The following EPHA3 variants were observed in gnomAD, a reference collection of about 807,000 sequenced individuals.
EPHA3 encodes ephrin type-A receptor 3.
In EPHA3, 42 loss-of-function variants were observed where a neutral mutation model predicts 107.1. That is an observed-to-expected ratio of 0.39 (90% CI 0.31 to 0.51). EPHA3 has a LOEUF of 0.51. EPHA3 is among the 20% of genes least tolerant of loss of function. EPHA3 has a pLI of 0.78. For synonymous variants in EPHA3, 461 were observed against 424.8 expected (o/e 1.09, Z -1.05); for missense variants, 1,183 against 1,211.2 (o/e 0.98, Z 0.35).
At chr3:89,251,193 GT>G (rs1356117225) in intron 3 of EPHA3, among the ~76,000 whole-genome samples, 4 of 151,912 alleles carry the variant, frequency 2.6e-5, no homozygotes, top group East Asian at 1.9e-4. Flanking sequence ...TTTTTGGTTT[GT>G]TTTTTTAAAA....
intron 7 of EPHA3, chr3:89,399,892 A>C (rs1007263559): frequency 9.4e-7 from 1 of 1,065,760 alleles, no homozygotes; most frequent in African/African-American, 1.6e-5. Context: ...TTAATCCTTA[A>C]CACATTCAAT....
chr3:89,286,929 A>C (rs960395881), intron 3 of EPHA3, among the ~76,000 whole-genome samples: 1 of 152,000 alleles, frequency 6.6e-6, no homozygotes, highest in African/African-American at 2.4e-5. Context: ...AGTTGTTCTT[A>C]TTTCTACCTG....
chr3:89,225,204 T>C (rs1175688171), intron 3 of EPHA3, among the ~76,000 whole-genome samples: 9 of 152,180 alleles, frequency 5.9e-5, no homozygotes, highest in Non-Finnish European at 1.5e-5. Flanking sequence ...GCTATGATTA[T>C]GTGCTACTGC....
intron 3 of EPHA3, among the ~76,000 whole-genome samples, chr3:89,306,265 A>C (rs543477301): frequency 9.6e-4 from 146 of 152,314 alleles, no homozygotes; most frequent in Non-Finnish European, 1.4e-3. Context: ...TAATAACACC[A>C]GAATTCTAAC....
rs1709942546 is a variant in EPHA3, at chr3:89,449,364, C to T, written c.2486C>T (p.Ser829Phe). The T allele has an allele frequency of 6.3e-7, 1 of 1,587,980 alleles. No individual in the cohort carries two copies. Among genetic ancestry groups the T allele is most frequent in the African/African-American group, 1.3e-5 (1 of 74,636 alleles). The change falls in exon 14 of 17, where the codon TCC becomes TTC. Residue 829 changes from serine (S) to phenylalanine (F), a missense_variant. Transcript: ENST00000336596. The part of the protein sequence containing the change: ...SYGERPYWEM[S>F]NQDVIKAVDE... ...GGAGAGAGACCATACTGGGAGATGT[C>T]CAATCAGGATGTAAGTATTTGTGGT...
chr3:89,431,296 G>A lies in EPHA3; in HGVS notation c.2283G>A (p.Lys761=), dbSNP rs772270500. The change falls in exon 13 of 17, where the codon AAG becomes AAA. Residue 761 remains lysine, a synonymous_variant. Coordinates refer to ENST00000336596, the MANE Select transcript of EPHA3 (RefSeq NM_005233.6). ...NILINSNLVC[K]VSDFGLSRVL... ...TGATCAACAGTAACTTGGTGTGTAA[G>A]GTTTCTGATTTCGGACTTTCGCGTG... is the stretch of plus-strand genomic sequence containing the variant. The A allele has an allele frequency of 1.2e-6, 2 of 1,613,572 alleles. No homozygotes were observed. Among genetic ancestry groups the A allele is most frequent in the East Asian group, 2.2e-5 (1 of 44,834 alleles).
intron 15 of EPHA3, 119 bp from the exon 16 acceptor site, chr3:89,472,345 A>G: frequency 1.8e-6 from 2 of 1,097,646 alleles, no homozygotes; most frequent in East Asian, 2.5e-5. Context: ...TAAATTCCAC[A>G]AATGAAAGGA....
At chr3:89,453,718 T>C (rs1362319288) in intron 15 of EPHA3, among the ~76,000 whole-genome samples, 1 of 152,200 alleles carries the variant, frequency 6.6e-6, no homozygotes, top group Admixed American at 6.5e-5. Context: ...TTGACAATGA[T>C]TATTTCATCC....
intron 2 of EPHA3, among the ~76,000 whole-genome samples, chr3:89,169,315 A>G (rs1338196315): frequency 6.6e-6 from 1 of 152,182 alleles, no homozygotes; most frequent in East Asian, 1.9e-4. Flanking sequence ...TAGATATTGT[A>G]CATATTTTTC....
chr3:89,240,706 A>T (rs770504632), intron 3 of EPHA3, among the ~76,000 whole-genome samples: 4 of 151,964 alleles, frequency 2.6e-5, no homozygotes, highest in South Asian at 2.1e-4. Context: ...TAAAATTATG[A>T]TTTTTTTGTC....
intron 13 of EPHA3, among the ~76,000 whole-genome samples, chr3:89,444,417 TG>T (rs1709842136): frequency 1.3e-5 from 2 of 152,018 alleles, no homozygotes; most frequent in Non-Finnish European, 2.9e-5. Flanking sequence ...TGTACAATGT[TG>T]GTTTATTATT....
At chr3:89,354,078 A>C (rs998415315) in intron 5 of EPHA3, among the ~76,000 whole-genome samples, 5 of 151,358 alleles carry the variant, frequency 3.3e-5, no homozygotes, top group African/African-American at 4.8e-5. Flanking sequence ...TATGTTAACT[A>C]TATTCCCCCA....
intron 15 of EPHA3, among the ~76,000 whole-genome samples, chr3:89,452,446 A>T (rs1397684721): frequency 6.6e-6 from 1 of 152,150 alleles, no homozygotes; most frequent in Non-Finnish European, 1.5e-5. Flanking sequence ...TTCTCTAATG[A>T]CTAGCGATGT....
intron 9 of EPHA3, among the ~76,000 whole-genome samples, chr3:89,411,506 C>T (rs747045655): frequency 2.0e-5 from 3 of 151,890 alleles, no homozygotes; most frequent in Non-Finnish European, 4.4e-5. Context: ...CAAAGTCATG[C>T]AAATAATAGC....
At chr3:89,110,725 A>C (rs1327424237) in intron 1 of EPHA3, among the ~76,000 whole-genome samples, 1 of 152,054 alleles carries the variant, frequency 6.6e-6, no homozygotes, top group Non-Finnish European at 1.5e-5. Context: ...TATTATTTTA[A>C]AAGTTCATAT....
intron 2 of EPHA3, among the ~76,000 whole-genome samples, chr3:89,193,293 A>G (rs1036456411): frequency 2.6e-5 from 4 of 152,048 alleles, no homozygotes; most frequent in African/African-American, 9.7e-5. Flanking sequence ...TTTAAGTTCA[A>G]AATATTGCTC....
intron 5 of EPHA3, among the ~76,000 whole-genome samples, chr3:89,370,381 A>T (rs1340137457): frequency 6.6e-6 from 1 of 151,964 alleles, no homozygotes; most frequent in Non-Finnish European, 1.5e-5. Flanking sequence ...ATTGGAAATC[A>T]TCATTCTCAG....
intron 9 of EPHA3, among the ~76,000 whole-genome samples, chr3:89,409,964 C>T (rs1244026743): frequency 1.3e-5 from 2 of 151,988 alleles, no homozygotes; most frequent in Admixed American, 6.6e-5. Flanking sequence ...CAGCTTAACA[C>T]GTGTGCATGT....
At chr3:89,281,984 A>C (rs551825110) in intron 3 of EPHA3, among the ~76,000 whole-genome samples, 3 of 152,360 alleles carry the variant, frequency 2.0e-5, no homozygotes, top group African/African-American at 7.2e-5. Flanking sequence ...TATCTGATAA[A>C]ATTATGATTA....
Sources: gnomAD v4.1 joint callset for allele counts (sites outside exome capture counted in the v4.1 genomes callset) on GRCh38, gnomAD v4.1.1 for gene constraint, MANE v1.5 for transcripts, NCBI Gene and HGNC (gene_info 2026-07-23, HGNC 2026-07-21) for gene names.